ROBO1: variants seen among roughly 807,000 people sequenced by gnomAD.
ROBO1 encodes the protein roundabout homolog 1.
Under a neutral mutation model 195.9 loss-of-function variants are expected in ROBO1, and 149 were observed. The ratio of observed to expected loss-of-function variants is 0.76; its 90% CI spans 0.67 to 0.87. The LOEUF is 0.87. Among genes scored for constraint, ROBO1 ranks in the 40% least tolerant of loss-of-function variants. The pLI is 0.00. For missense variants in ROBO1, 1,933 were observed against 2,068.3 expected (o/e 0.93, Z 1.27); for synonymous variants, 816 against 733.2 (o/e 1.11, Z -1.82).
In ROBO1 at chr3:78,730,501, G is replaced by A. The variant is rs548501982; in HGVS notation, c.658-12618C>T. On this transcript the variant is annotated intron_variant, in intron 5 of 30. Coordinates refer to ENST00000464233, the MANE Select transcript of ROBO1 (RefSeq NM_002941.4). ...TATTACTAATTAAGATTCTACAGAA[G>A]AAGAAATATTCCTAAAATAGCTACA... 1.8e-3 allele frequency among the ~76,000 whole-genome samples: 119 copies of A among 65,858 alleles called. 11 individuals carry two copies. Among genetic ancestry groups the A allele is most frequent in the African/African-American group, 3.3e-3 (112 of 33,832 alleles). The allele number at this position is 65,858 out of a possible 152,430, so 43.2% of individuals were successfully genotyped here.
At chr3:79,509,596 TTTGA>T (rs1209751548) in intron 2 of ROBO1, among the ~76,000 whole-genome samples, 9 of 152,168 alleles carry the variant, frequency 5.9e-5, no homozygotes, top group Non-Finnish European at 1.3e-4. Context: ...TGTGTGTTCA[TTTGA>T]TTGAATTTTA....
chr3:79,615,734 A>G (rs1018977697), intron 1 of ROBO1, among the ~76,000 whole-genome samples: 1 of 152,332 alleles, frequency 6.6e-6, no homozygotes, highest in South Asian at 2.1e-4. Flanking sequence ...GTAGACCCAG[A>G]CAAATACAGA....
intron 2 of ROBO1, among the ~76,000 whole-genome samples, chr3:79,475,388 T>C (rs1347362609): frequency 1.3e-5 from 2 of 152,016 alleles, no homozygotes; most frequent in Non-Finnish European, 2.9e-5. Flanking sequence ...TTACTGTTCA[T>C]GTTGAATACT....
At chr3:79,608,511 G>A (rs1366826974) in intron 1 of ROBO1, among the ~76,000 whole-genome samples, 1 of 151,930 alleles carries the variant, frequency 6.6e-6, no homozygotes, top group African/African-American at 2.4e-5. Context: ...GAAGGAAAGG[G>A]TTGTGTTGGG....
intron 1 of ROBO1, among the ~76,000 whole-genome samples, chr3:79,729,295 G>A (rs1703049761): frequency 6.6e-6 from 1 of 152,108 alleles, no homozygotes; most frequent in Non-Finnish European, 1.5e-5. Flanking sequence ...CCTAGCTCCA[G>A]GGAATGAAGT....
In ROBO1 at chr3:78,962,823, CAAAAAAAAAAAAAA is replaced by C. The variant is rs770515270; in HGVS notation, c.173-23910_173-23897del. Reference sequence around the variant, plus strand: ...TGGGCGACAGAGTGAGACTCCATCTCAAAAAAAAAAAAAAAAAAAAAAAAAACTTTTCACATTTA... The same window carrying C: ...TGGGCGACAGAGTGAGACTCCATCTCAAAAAAAAAAAACTTTTCACATTTA... On this transcript the variant is annotated intron_variant, in intron 3 of 30. Transcript: ENST00000464233. 3.1e-4 allele frequency among the ~76,000 whole-genome samples: 8 copies of C among 26,196 alleles called. No individual in the cohort carries two copies. The South Asian group carries it at 0.013, about 41-fold the overall frequency. The allele number at this position is 26,196 out of a possible 152,430, so 17.2% of individuals were successfully genotyped here.
chr3:79,488,471 T>A (rs1326619861), intron 2 of ROBO1, among the ~76,000 whole-genome samples: 1 of 152,284 alleles, frequency 6.6e-6, no homozygotes, highest in African/African-American at 2.4e-5. Flanking sequence ...ACATCAAGAA[T>A]AAGTCTTCTT....
chr3:78,706,385 A>G (rs2081552526), intron 8 of ROBO1, among the ~76,000 whole-genome samples: 1 of 152,202 alleles, frequency 6.6e-6, no homozygotes, highest in East Asian at 1.9e-4. Context: ...TAGTATCATC[A>G]AAAGTATTTT....
intron 2 of ROBO1, among the ~76,000 whole-genome samples, chr3:79,154,072 T>C (rs1429206569): frequency 6.6e-6 from 1 of 151,798 alleles, no homozygotes; most frequent in Non-Finnish European, 1.5e-5. Flanking sequence ...TTTCTTTCTC[T>C]ACTTCCCTCA....
At chr3:79,355,059 C>T (rs530596822) in intron 2 of ROBO1, among the ~76,000 whole-genome samples, 6 of 151,856 alleles carry the variant, frequency 4.0e-5, no homozygotes, top group South Asian at 2.1e-4. Flanking sequence ...CCAGGTACTC[C>T]GGAGGCTGAG....
At chr3:78,842,716 G>A (rs1026014739) in intron 4 of ROBO1, among the ~76,000 whole-genome samples, 1 of 151,184 alleles carries the variant, frequency 6.6e-6, no homozygotes, top group East Asian at 1.9e-4. Flanking sequence ...ATAACTTTTG[G>A]TTAGTTTTTT....
intron 2 of ROBO1, among the ~76,000 whole-genome samples, chr3:79,284,638 A>C (rs940448187): frequency 6.6e-6 from 1 of 152,210 alleles, no homozygotes; most frequent in Non-Finnish European, 1.5e-5. Flanking sequence ...CATTGAGAAA[A>C]GAATGGTAAT....
intron 2 of ROBO1, 146 bp downstream of exon 2, chr3:79,589,678 C>T (rs1943934534): frequency 1.6e-6 from 1 of 622,830 alleles, no homozygotes; most frequent in Non-Finnish European, 2.9e-6. Context: ...TTGATCAGCA[C>T]TCATACTCAA....
intron 2 of ROBO1, among the ~76,000 whole-genome samples, chr3:79,386,986 A>T (rs1343416142): frequency 2.6e-5 from 4 of 152,146 alleles, no homozygotes; most frequent in African/African-American, 9.7e-5. Flanking sequence ...CAGAATGGTG[A>T]CTTGTCATAT....
intron 2 of ROBO1, among the ~76,000 whole-genome samples, chr3:79,400,684 C>T (rs1389872796): frequency 2.6e-5 from 4 of 151,930 alleles, no homozygotes; most frequent in Non-Finnish European, 5.9e-5. Context: ...CTAAATAATG[C>T]ATGTCCTAAA....
At chr3:78,836,895 A>C (rs1453562702) in intron 4 of ROBO1, among the ~76,000 whole-genome samples, 3 of 152,174 alleles carry the variant, frequency 2.0e-5, no homozygotes, top group Non-Finnish European at 4.4e-5. Context: ...AGCACAGAAA[A>C]CACCTGCTGT....
intron 2 of ROBO1, among the ~76,000 whole-genome samples, chr3:79,326,300 G>A (rs1190198278): frequency 1.3e-5 from 2 of 151,966 alleles, no homozygotes; most frequent in East Asian, 1.9e-4. Flanking sequence ...CACCCTGTTC[G>A]TACACTCCCT....
At chr3:79,719,656 T>C (rs1353403236) in intron 1 of ROBO1, among the ~76,000 whole-genome samples, 2 of 152,180 alleles carry the variant, frequency 1.3e-5, no homozygotes, top group Admixed American at 6.5e-5. Context: ...GTCGCTTTCA[T>C]ATCATATTAC....
intron 4 of ROBO1, among the ~76,000 whole-genome samples, chr3:78,755,860 G>T (rs1444826011): frequency 1.3e-5 from 2 of 152,002 alleles, no homozygotes; most frequent in Non-Finnish European, 2.9e-5. Flanking sequence ...TTGTTTCATT[G>T]GTTAAAAAAT....
Sources: gnomAD v4.1 joint callset for allele counts (sites outside exome capture counted in the v4.1 genomes callset) on GRCh38, gnomAD v4.1.1 for gene constraint, MANE v1.5 for transcripts, NCBI Gene and HGNC (gene_info 2026-07-23, HGNC 2026-07-21) for gene names.